The following HCN1 variants were observed in gnomAD, a reference collection of about 807,000 sequenced individuals.
HCN1 encodes potassium/sodium hyperpolarization-activated cyclic nucleotide-gated channel 1.
Under a neutral mutation model 78.9 loss-of-function variants are expected in HCN1, and 13 were observed. The observed-to-expected ratio is 0.16, with a 90% CI of 0.11 to 0.26. The LOEUF is 0.26. Among genes scored for constraint, HCN1 ranks in the 10% least tolerant of loss-of-function variants. The pLI is 1.00. For synonymous variants in HCN1, 552 were observed against 455.5 expected (o/e 1.21, Z -2.70); for missense variants, 810 against 1,154.3 (o/e 0.70, Z 4.32).
chr5:45,636,555 T>A (rs1745359434), intron 2 of HCN1, among the ~76,000 whole-genome samples: 1 of 152,142 alleles, frequency 6.6e-6, no homozygotes, highest in African/African-American at 2.4e-5. Context: ...GGATAAGTAA[T>A]GCATAATAAG....
chr5:45,341,620 G>T (rs1248710337), intron 5 of HCN1, among the ~76,000 whole-genome samples: 1 of 152,264 alleles, frequency 6.6e-6, no homozygotes, highest in East Asian at 1.9e-4. Flanking sequence ...TAAGCGCAAA[G>T]GTGGCTCATG....
chr5:45,593,324 TCTCTCTCTCTCTCTCTCA>T (rs1744420853), intron 2 of HCN1, among the ~76,000 whole-genome samples: 2 of 119,080 alleles, frequency 1.7e-5, no homozygotes, highest in Middle Eastern at 4.0e-3. Flanking sequence ...TCTCTCTCCC[TCTCTCTCTCTCTCTCTCA>T]CACACACACA....
At chr5:45,677,989 T>TACACACACACACACACACACAC (rs200866112) in intron 1 of HCN1, among the ~76,000 whole-genome samples, 1 of 94,100 alleles carries the variant, frequency 1.1e-5, no homozygotes, top group African/African-American at 3.6e-5. Flanking sequence ...CACACACACA[T>TACACACACACACACACACACAC]ACACACACAC....
chr5:45,595,327 G>C (rs1485439642), intron 2 of HCN1, among the ~76,000 whole-genome samples: 1 of 152,098 alleles, frequency 6.6e-6, no homozygotes, highest in Non-Finnish European at 1.5e-5. Context: ...TTAAGAATTT[G>C]ATGCTCAAAC....
intron 2 of HCN1, among the ~76,000 whole-genome samples, chr5:45,470,787 G>A (rs759090160): frequency 2.2e-4 from 33 of 151,912 alleles, no homozygotes; most frequent in Non-Finnish European, 4.4e-4. Flanking sequence ...GGTTCACCAC[G>A]GCTTATGACA....
chr5:45,420,576 G>A (rs1295961292), intron 3 of HCN1, among the ~76,000 whole-genome samples: 1 of 152,178 alleles, frequency 6.6e-6, no homozygotes, highest in Admixed American at 6.5e-5. Context: ...ACATGTGGAA[G>A]TGGCATGCCA....
At chr5:45,311,182 A>C (rs1461572776) in intron 5 of HCN1, among the ~76,000 whole-genome samples, 1 of 152,200 alleles carries the variant, frequency 6.6e-6, no homozygotes, top group Admixed American at 6.5e-5. Flanking sequence ...AAAGTTAAAA[A>C]ATCTATAATT....
At chr5:45,509,740 AT>A (rs974608843) in intron 2 of HCN1, among the ~76,000 whole-genome samples, 2 of 151,990 alleles carry the variant, frequency 1.3e-5, no homozygotes, top group African/African-American at 2.4e-5. Flanking sequence ...TTTTCAAGGA[AT>A]TTTTTTTCAC....
intron 6 of HCN1, among the ~76,000 whole-genome samples, chr5:45,277,656 A>C (rs1193324008): frequency 2.0e-5 from 3 of 152,134 alleles, no homozygotes; most frequent in Admixed American, 6.6e-5. Flanking sequence ...TGTGTTTTGT[A>C]CAAATTGGAA....
intron 6 of HCN1, among the ~76,000 whole-genome samples, chr5:45,282,094 T>C (rs1382561299): frequency 6.6e-6 from 1 of 152,182 alleles, no homozygotes; most frequent in African/African-American, 2.4e-5. Context: ...TCAAATATCA[T>C]TAATAAATTT....
intron 1 of HCN1, among the ~76,000 whole-genome samples, chr5:45,686,339 A>G (rs1488022606): frequency 6.6e-6 from 1 of 152,002 alleles, no homozygotes; most frequent in African/African-American, 2.4e-5. Context: ...TTCAACCACC[A>G]TAATTGTTTC....
intron 1 of HCN1, among the ~76,000 whole-genome samples, chr5:45,656,888 C>T (rs1745772229): frequency 1.3e-5 from 2 of 151,572 alleles, no homozygotes; most frequent in Non-Finnish European, 2.9e-5. Flanking sequence ...TATTTAGTGT[C>T]CTACAGGGAT....
chr5:45,302,958 C>CT (rs989412874), intron 6 of HCN1, among the ~76,000 whole-genome samples: 7 of 152,132 alleles, frequency 4.6e-5, no homozygotes, highest in Admixed American at 1.3e-4. Context: ...AATTAAACCT[C>CT]TTTTTTTCCC....
chr5:45,389,489 AC>A (rs1162616177), intron 4 of HCN1, among the ~76,000 whole-genome samples: 1 of 152,002 alleles, frequency 6.6e-6, no homozygotes, highest in Non-Finnish European at 1.5e-5. Flanking sequence ...TCCTAACCCC[AC>A]CCACTATATT....
At chr5:45,644,018 A>G (rs906202230) in intron 2 of HCN1, 3 of 152,138 alleles carry the variant, frequency 2.0e-5, no homozygotes, top group African/African-American at 7.2e-5. Flanking sequence ...ATGCCTTTTT[A>G]TCAGTGTATT....
At chr5:45,617,880 T>C (rs770043182) in intron 2 of HCN1, among the ~76,000 whole-genome samples, 2 of 152,092 alleles carry the variant, frequency 1.3e-5, no homozygotes, top group Non-Finnish European at 2.9e-5. Context: ...AATGAGACTA[T>C]AGCTTTTCCC....
intron 6 of HCN1, among the ~76,000 whole-genome samples, chr5:45,278,165 G>A (rs1249995966): frequency 6.6e-6 from 1 of 151,956 alleles, no homozygotes; most frequent in Non-Finnish European, 1.5e-5. Flanking sequence ...ACCTCTTTCA[G>A]GTCCAGAAGT....
At chr5:45,373,845 C>G (rs1056056940) in intron 4 of HCN1, among the ~76,000 whole-genome samples, 1 of 130,602 alleles carries the variant, frequency 7.7e-6, no homozygotes, top group Non-Finnish European at 1.6e-5. Context: ...TAATATATTA[C>G]ATACGGTATA....
intron 1 of HCN1, among the ~76,000 whole-genome samples, chr5:45,650,727 G>A (rs974651060): frequency 1.3e-4 from 19 of 151,830 alleles, no homozygotes; most frequent in East Asian, 5.8e-4. Flanking sequence ...ATAAAGTGGC[G>A]TTGTAAAGAT....
Sources: allele counts gnomAD v4.1 joint callset (sites outside exome capture counted in the v4.1 genomes callset), GRCh38; gene constraint gnomAD v4.1.1; transcripts MANE v1.5; gene names NCBI Gene and HGNC (gene_info 2026-07-23, HGNC 2026-07-21).